Variants in GPHN observed in about 807,000 individuals in gnomAD.
GPHN encodes the protein gephyrin.
Under a neutral mutation model 95.5 loss-of-function variants are expected in GPHN, and 17 were observed. That is an observed-to-expected ratio of 0.18 (90% CI 0.12 to 0.27). GPHN has a LOEUF of 0.27. GPHN is among the 10% of genes least tolerant of loss of function. GPHN has a pLI of 1.00. For synonymous variants in GPHN, 320 were observed against 322.5 expected (o/e 0.99, Z 0.08); for missense variants, 660 against 978.1 (o/e 0.67, Z 4.34).
chr14:67,049,818 GT>G (rs1567257859), intron 10 of GPHN, among the ~76,000 whole-genome samples: 3 of 152,080 alleles, frequency 2.0e-5, no homozygotes, highest in Admixed American at 2.0e-4. Context: ...GCTGAAGTAG[GT>G]TTTTTTATTG....
the GPHN span, among the ~76,000 whole-genome samples, chr14:67,451,034 G>C: frequency 3.3e-5 from 5 of 152,236 alleles, no homozygotes; most frequent in Non-Finnish European, 7.3e-5. Context: ...AGCCATGGCT[G>C]AAAGGGGCCA....
chr14:67,711,249 A>G, the GPHN span, among the ~76,000 whole-genome samples: 1 of 152,198 alleles, frequency 6.6e-6, no homozygotes, highest in African/African-American at 2.4e-5. Flanking sequence ...AGCAGAGATC[A>G]TTCTGTTTTG....
the GPHN span, among the ~76,000 whole-genome samples, chr14:67,218,514 T>C: frequency 1.3e-5 from 2 of 152,112 alleles, no homozygotes; most frequent in Non-Finnish European, 2.9e-5. Flanking sequence ...GCCTGGGGCA[T>C]GTCAACCTGG....
chr14:67,651,587 T>C, the GPHN span: 8 of 1,290,784 alleles, frequency 6.2e-6, no homozygotes, highest in Non-Finnish European at 8.4e-6. Context: ...TGAGGCTGTA[T>C]GTTTGATCAC....
intron 17 of GPHN, among the ~76,000 whole-genome samples, chr14:67,142,066 G>C (rs1165168727): frequency 1.3e-5 from 2 of 152,130 alleles, no homozygotes; most frequent in South Asian, 2.1e-4. Flanking sequence ...ATACAGCTGG[G>C]CCTCAAGGGG....
At chr14:67,176,507 A>G (rs915483386) in intron 21 of GPHN, among the ~76,000 whole-genome samples, 3 of 152,152 alleles carry the variant, frequency 2.0e-5, no homozygotes, top group Non-Finnish European at 2.9e-5. Flanking sequence ...TTTTGCATCA[A>G]TGTTCATCAG....
At chr14:66,525,888 G>A (rs938871679) in intron 1 of GPHN, among the ~76,000 whole-genome samples, 1 of 152,130 alleles carries the variant, frequency 6.6e-6, no homozygotes, top group East Asian at 1.9e-4. Context: ...GGTTACTGTA[G>A]CCTTGTAGTA....
intron 2 of GPHN, among the ~76,000 whole-genome samples, chr14:66,736,078 TTGGA>T (rs2072237180): frequency 6.6e-6 from 1 of 152,188 alleles, no homozygotes; most frequent in Non-Finnish European, 1.5e-5. Flanking sequence ...AGAAAGTTAG[TTGGA>T]TGGAGTGACA....
At chr14:66,737,847 C>A (rs560345290) in intron 2 of GPHN, among the ~76,000 whole-genome samples, 63 of 152,218 alleles carry the variant, frequency 4.1e-4, no homozygotes, top group African/African-American at 1.4e-3. Flanking sequence ...CTAGAAGTGA[C>A]CTTAACTGAA....
At chr14:66,734,176 A>G (rs2072047552) in intron 2 of GPHN, among the ~76,000 whole-genome samples, 1 of 152,070 alleles carries the variant, frequency 6.6e-6, no homozygotes, top group Non-Finnish European at 1.5e-5. Flanking sequence ...AGACCATGAC[A>G]TTTTTCTTCT....
the GPHN span, among the ~76,000 whole-genome samples, chr14:67,377,943 TA>T: frequency 1.9e-3 from 270 of 141,172 alleles, 1 homozygote; most frequent in Admixed American, 1.9e-3. Flanking sequence ...CTGCCATCTC[TA>T]AAAAAAAAAA....
chr14:67,269,364 T>A, the GPHN span, among the ~76,000 whole-genome samples: 1 of 152,016 alleles, frequency 6.6e-6, no homozygotes, highest in African/African-American at 2.4e-5. Flanking sequence ...GATGTATGAT[T>A]TTATTTCTCT....
the GPHN span, among the ~76,000 whole-genome samples, chr14:67,208,895 T>C: frequency 8.9e-6 from 1 of 112,302 alleles, no homozygotes; most frequent in Non-Finnish European, 1.8e-5. Flanking sequence ...AAACTCTGTC[T>C]CAAAAAAAAA....
intron 18 of GPHN, 47 bp from the exon 19 acceptor site, chr14:67,159,367 TA>T: frequency 9.8e-7 from 1 of 1,018,332 alleles, no homozygotes; most frequent in Non-Finnish European, 1.6e-6. Flanking sequence ...GTTGAAAGTC[TA>T]ATATTAAAAT....
At chr14:66,996,148 G>A in intron 9 of GPHN, 1 of 1,498,672 alleles carries the variant, frequency 6.7e-7, no homozygotes, top group Non-Finnish European at 9.0e-7. Context: ...CTCTTTAACA[G>A]TGTTTTCTTT....
chr14:66,576,494 T>A (rs1216297062), intron 1 of GPHN, among the ~76,000 whole-genome samples: 3 of 151,880 alleles, frequency 2.0e-5, no homozygotes, highest in Admixed American at 6.6e-5. Context: ...CTTTTTTTTT[T>A]AAATCTTGGA....
chr14:67,070,216 T>C (rs2076226579), intron 11 of GPHN, among the ~76,000 whole-genome samples: 1 of 151,862 alleles, frequency 6.6e-6, no homozygotes, highest in Admixed American at 6.6e-5. Flanking sequence ...ACCTTTATAC[T>C]CCCTGCATTC....
chr14:67,205,919 C>T, the GPHN span, among the ~76,000 whole-genome samples: 1 of 152,184 alleles, frequency 6.6e-6, no homozygotes, highest in Admixed American at 6.5e-5. Context: ...TGCAGTGGCT[C>T]ACATCTGTAA....
chr14:66,622,351 C>T (rs2063345501), intron 1 of GPHN, among the ~76,000 whole-genome samples: 1 of 152,156 alleles, frequency 6.6e-6, no homozygotes, highest in Admixed American at 6.5e-5. Context: ...TGTTTTCCTC[C>T]TAGGCCTTTG....
Sources: allele counts gnomAD v4.1 joint callset (sites outside exome capture counted in the v4.1 genomes callset), GRCh38; gene constraint gnomAD v4.1.1; transcripts MANE v1.5; gene names NCBI Gene and HGNC (gene_info 2026-07-23, HGNC 2026-07-21).